Variants in ZDHHC15 observed in about 807,000 individuals in gnomAD.
ZDHHC15 encodes palmitoyltransferase ZDHHC15.
Under a neutral mutation model 31.7 loss-of-function variants are expected in ZDHHC15, and 19 were observed. The observed-to-expected ratio is 0.60, with a 90% CI of 0.42 to 0.88. The LOEUF (loss-of-function observed/expected upper bound fraction) is 0.88. Ranked by LOEUF, ZDHHC15 falls within the 40% of genes least tolerant of loss-of-function variation. ZDHHC15 has a pLI of 0.00. For synonymous variants in ZDHHC15, 103 were observed against 90.0 expected, an observed-to-expected ratio of 1.14 and a Z score of -0.82; for missense variants, 209 against 251.2, an observed-to-expected ratio of 0.83 and a Z score of 1.14.
intron 2 of ZDHHC15, among the ~76,000 whole-genome samples, chrX:75,500,777 C>T (rs958199090): frequency 9.2e-6 from 1 of 108,644 alleles, no homozygotes; most frequent in Non-Finnish European, 1.9e-5. Flanking sequence ...TTATTGAGAG[C>T]ACTGAGATAA....
intron 4 of ZDHHC15, among the ~76,000 whole-genome samples, chrX:75,433,776 T>C (rs867580803): frequency 1.8e-5 from 2 of 109,923 alleles, no homozygotes; most frequent in Middle Eastern, 4.7e-3. Flanking sequence ...TTGTAATTTG[T>C]AATTGCAAAC....
intron 11 of ZDHHC15, among the ~76,000 whole-genome samples, chrX:75,373,731 T>G (rs1307743458): frequency 9.0e-6 from 1 of 111,059 alleles, no homozygotes; most frequent in Non-Finnish European, 1.9e-5. Flanking sequence ...TTACATGAGA[T>G]ATTTTGATAC....
chrX:75,440,143 G>A (rs1031786046), intron 4 of ZDHHC15, among the ~76,000 whole-genome samples: 2 of 112,281 alleles, frequency 1.8e-5, no homozygotes, highest in East Asian at 5.6e-4. Context: ...TTTCTCAAAT[G>A]CTGTTTGTGC....
At chrX:75,514,859 C>A (rs2085331221) in intron 1 of ZDHHC15, among the ~76,000 whole-genome samples, 4 of 111,346 alleles carry the variant, frequency 3.6e-5, no homozygotes, top group African/African-American at 9.8e-5. Flanking sequence ...AGAGAAGAAT[C>A]AAATAGACGC....
intron 10 of ZDHHC15, among the ~76,000 whole-genome samples, chrX:75,411,374 G>A (rs927464775): frequency 1.5e-4 from 17 of 111,082 alleles, no homozygotes; most frequent in African/African-American, 2.6e-4. Context: ...CGCCACGCCC[G>A]GCTAATTTTT....
chrX:75,494,434 T>G (rs1279519290), intron 2 of ZDHHC15, among the ~76,000 whole-genome samples: 1 of 111,273 alleles, frequency 9.0e-6, no homozygotes, highest in African/African-American at 3.3e-5. Flanking sequence ...AAAAAACTAC[T>G]TTAAAGTTCA....
chrX:75,469,229 T>A (rs2084464611), intron 3 of ZDHHC15, among the ~76,000 whole-genome samples: 1 of 111,950 alleles, frequency 8.9e-6, no homozygotes, highest in African/African-American at 3.2e-5. Context: ...TGGTCCTTTT[T>A]AAAATAATGT....
At chrX:75,399,038 A>G (rs1017330429) in intron 10 of ZDHHC15, among the ~76,000 whole-genome samples, 5 of 111,889 alleles carry the variant, frequency 4.5e-5, no homozygotes, top group African/African-American at 1.6e-4. Context: ...TTGATGTTTC[A>G]CAGCCTTCAC....
chrX:75,415,465 C>T (rs2083538929), intron 10 of ZDHHC15, among the ~76,000 whole-genome samples: 1 of 111,896 alleles, frequency 8.9e-6, no homozygotes, highest in Admixed American at 9.5e-5. Context: ...ATGTAAGAAG[C>T]AGTTGAATGC....
intron 10 of ZDHHC15, among the ~76,000 whole-genome samples, chrX:75,382,676 T>G (rs1020749690): frequency 5.4e-5 from 6 of 112,095 alleles, no homozygotes; most frequent in Non-Finnish European, 1.1e-4. Flanking sequence ...ATGAATCAAT[T>G]TGCATGTTTA....
At chrX:75,495,559 A>G (rs1225055753) in intron 2 of ZDHHC15, among the ~76,000 whole-genome samples, 8 of 111,249 alleles carry the variant, frequency 7.2e-5, no homozygotes, top group African/African-American at 2.0e-4. Context: ...AGACTGGATT[A>G]AGAAAATGTG....
At position 75,381,906 on chromosome X, in the gene ZDHHC15, T is replaced by C. The variant is rs187541519; in HGVS notation, c.968-2708A>G. Reference sequence around the variant, plus strand: ...AATTCCTTCTTCCTCGCATCTATCCTTATGTTTCTCATTCCAATAACATCT... The same window carrying C: ...AATTCCTTCTTCCTCGCATCTATCCCTATGTTTCTCATTCCAATAACATCT... On this transcript the variant is annotated intron_variant, in intron 10 of 11. Coordinates refer to ENST00000373367, the MANE Select transcript of ZDHHC15 (RefSeq NM_144969.3). Among the ~76,000 whole-genome samples, 5 of 111,748 alleles carry C rather than the reference T, an allele frequency of 4.5e-5. No homozygotes were observed. In the Admixed American group the frequency reaches 4.8e-4, roughly 11 times the overall value.
chrX:75,450,704 T>A (rs781419514), intron 4 of ZDHHC15, 98 bp downstream of exon 4: 5 of 1,202,329 alleles, frequency 4.2e-6, no homozygotes, highest in Middle Eastern at 4.8e-4. Flanking sequence ...TTTCAGAAGA[T>A]GGGAGGAAAA....
rs1021485819 is a variant in ZDHHC15 at position 75,370,823 on chromosome X, C to A, written c.*2155G>T. On this transcript the variant is annotated 3_prime_UTR_variant, in exon 12 of 12. Coordinates refer to ENST00000373367, the MANE Select transcript of ZDHHC15 (RefSeq NM_144969.3). ...TTGGGATTACAGGTGTGAGCCACTG[C>A]GCCCAGCCTTATTTGGCCTTTTAAA... 3.6e-5 allele frequency: 4 copies of A among 111,946 alleles called. No homozygotes were observed. The highest frequency in any genetic ancestry group is 2.8e-4 in the Admixed American group (3 of 10,536). The allele number at this position is 111,946 out of a possible 1,213,427, so 9.2% of individuals were successfully genotyped here.
At chrX:75,385,566 A>T (rs2083170573) in intron 10 of ZDHHC15, among the ~76,000 whole-genome samples, 1 of 111,749 alleles carries the variant, frequency 8.9e-6, no homozygotes, top group Non-Finnish European at 1.9e-5. Flanking sequence ...GAGAATACTG[A>T]AATAAAGATG....
chrX:75,464,056 C>T (rs375190582), intron 3 of ZDHHC15, among the ~76,000 whole-genome samples: 1 of 111,903 alleles, frequency 8.9e-6, no homozygotes, highest in East Asian at 2.8e-4. Context: ...CAATGATAGA[C>T]TGGATTAAGG....
intron 2 of ZDHHC15, among the ~76,000 whole-genome samples, chrX:75,484,651 C>A (rs1398958604): frequency 8.9e-6 from 1 of 112,046 alleles, no homozygotes; most frequent in Non-Finnish European, 1.9e-5. Context: ...TTGGAAAACA[C>A]TTTGGCAGTT....
chrX:75,414,117 T>A (rs2083517597), intron 10 of ZDHHC15, among the ~76,000 whole-genome samples: 1 of 112,189 alleles, frequency 8.9e-6, no homozygotes, highest in Admixed American at 9.5e-5. Context: ...CTCAAAAAGC[T>A]AAAATATAGC....
At chrX:75,393,569 G>T (rs1019673602) in intron 10 of ZDHHC15, among the ~76,000 whole-genome samples, 4 of 111,237 alleles carry the variant, frequency 3.6e-5, no homozygotes, top group Non-Finnish European at 7.5e-5. Flanking sequence ...AACAGTTCAT[G>T]CCAAGGACCA....
Sources: allele counts gnomAD v4.1 joint callset (sites outside exome capture counted in the v4.1 genomes callset), GRCh38; gene constraint gnomAD v4.1.1; transcripts MANE v1.5; gene names NCBI Gene and HGNC (gene_info 2026-07-23, HGNC 2026-07-21).